Variants in NEK11 observed in about 807,000 individuals in gnomAD.
The protein encoded by NEK11 is NIMA related kinase 11, also known as serine/threonine-protein kinase Nek11.
A neutral mutation model predicts 80.7 loss-of-function variants in NEK11; 72 were observed. That is an observed-to-expected ratio of 0.89 (90% CI 0.74 to 1.08). The LOEUF is 1.08. NEK11 is among the 50% of genes least tolerant of loss of function. The pLI is 0.00. For missense variants in NEK11, 764 were observed against 763.6 expected, an observed-to-expected ratio of 1.00 and a Z score of -0.01; for synonymous variants, 251 against 260.7, an observed-to-expected ratio of 0.96 and a Z score of 0.36.
At chr3:131,286,734 G>A (rs1287884860) in intron 17 of NEK11, among the ~76,000 whole-genome samples, 1 of 152,176 alleles carries the variant, frequency 6.6e-6, no homozygotes, top group Non-Finnish European at 1.5e-5. Flanking sequence ...AGGATAAACT[G>A]CCATATCTGG....
intron 3 of NEK11, among the ~76,000 whole-genome samples, chr3:131,050,846 T>C (rs773615714): frequency 9.3e-4 from 139 of 149,212 alleles, no homozygotes; most frequent in African/African-American, 3.3e-3. Context: ...CTGGGCAACA[T>C]TGGGAGACTC....
intron 6 of NEK11, chr3:131,133,305 G>A (rs2084887200): frequency 2.2e-6 from 1 of 454,216 alleles, no homozygotes; most frequent in Non-Finnish European, 4.4e-6. Flanking sequence ...ATCATATAGG[G>A]TGTACTTGGG....
intron 7 of NEK11, among the ~76,000 whole-genome samples, chr3:131,145,077 C>T (rs979129579): frequency 3.3e-5 from 5 of 152,094 alleles, no homozygotes; most frequent in Admixed American, 6.6e-5. Flanking sequence ...AATCATAGCT[C>T]ACTGTAACCT....
chr3:131,258,510 C>G (rs1266435596), intron 16 of NEK11, among the ~76,000 whole-genome samples: 1 of 152,172 alleles, frequency 6.6e-6, no homozygotes, highest in Non-Finnish European at 1.5e-5. Flanking sequence ...GCTAGTGTCT[C>G]CACAGGGAAA....
At chr3:131,140,463 G>A (rs2086639154) in intron 7 of NEK11, among the ~76,000 whole-genome samples, 1 of 152,196 alleles carries the variant, frequency 6.6e-6, no homozygotes, top group Non-Finnish European at 1.5e-5. Flanking sequence ...GTGGGGAGCA[G>A]GTTCAAGGCT....
intron 5 of NEK11, among the ~76,000 whole-genome samples, chr3:131,121,499 GCT>G (rs778624094): frequency 3.0e-4 from 46 of 152,188 alleles, no homozygotes; most frequent in Non-Finnish European, 6.6e-4. Flanking sequence ...GAGAACCACT[GCT>G]CTCTTTAAAG....
intron 16 of NEK11, among the ~76,000 whole-genome samples, chr3:131,252,136 A>G (rs899133894): frequency 6.6e-6 from 1 of 152,104 alleles, no homozygotes; most frequent in African/African-American, 2.4e-5. Context: ...GGTTGTTAAT[A>G]TATGTCAGAA....
intron 17 of NEK11, among the ~76,000 whole-genome samples, chr3:131,310,320 G>A (rs377273388): frequency 6.6e-5 from 10 of 152,064 alleles, no homozygotes; most frequent in South Asian, 2.1e-4. Flanking sequence ...TGGGTTCTAG[G>A]GACAGTTTTC....
At chr3:131,180,122 G>T (rs2093267238) in intron 14 of NEK11, among the ~76,000 whole-genome samples, 1 of 152,154 alleles carries the variant, frequency 6.6e-6, no homozygotes, top group Non-Finnish European at 1.5e-5. Flanking sequence ...AGCAGAAGTA[G>T]ATTGGAAGTA....
At chr3:131,036,365 C>T (rs918014641) in intron 3 of NEK11, among the ~76,000 whole-genome samples, 2 of 152,326 alleles carry the variant, frequency 1.3e-5, no homozygotes, top group Non-Finnish European at 2.9e-5. Context: ...TTAGAAAGTA[C>T]AGATGCTTGA....
chr3:131,243,031 G>C (rs1034774583), intron 15 of NEK11, among the ~76,000 whole-genome samples: 4 of 152,092 alleles, frequency 2.6e-5, no homozygotes, highest in African/African-American at 4.8e-5. Flanking sequence ...GATTTCTGCT[G>C]TATTGACTAA....
chr3:131,228,394 G>A, intron 14 of NEK11, 134 bp from the exon 15 acceptor site: 3 of 618,932 alleles, frequency 4.8e-6, no homozygotes, highest in Non-Finnish European at 7.7e-6. Context: ...CCAGGAAGCT[G>A]AGATTCAGCT....
intron 7 of NEK11, among the ~76,000 whole-genome samples, chr3:131,142,255 A>G (rs1202145233): frequency 1.3e-5 from 2 of 152,208 alleles, no homozygotes; most frequent in Non-Finnish European, 1.5e-5. Context: ...CTGTGGGGGA[A>G]GGGAAAAAGA....
intron 3 of NEK11, among the ~76,000 whole-genome samples, chr3:131,059,028 A>G (rs1207299581): frequency 6.6e-6 from 1 of 152,230 alleles, no homozygotes; most frequent in African/African-American, 2.4e-5. Flanking sequence ...GGAGCCTTCA[A>G]AAGAAAGATT....
chr3:131,286,068 C>T (rs905481548), intron 17 of NEK11, among the ~76,000 whole-genome samples: 24 of 152,234 alleles, frequency 1.6e-4, no homozygotes, highest in Non-Finnish European at 1.0e-4. Context: ...ATCCCTTCTA[C>T]CCCTCTTTCT....
intron 17 of NEK11, among the ~76,000 whole-genome samples, chr3:131,282,354 G>T (rs2096409393): frequency 6.6e-6 from 1 of 151,850 alleles, no homozygotes; most frequent in Non-Finnish European, 1.5e-5. Context: ...CCTATATGTG[G>T]ACATTGTGTT....
chr3:131,169,111 A>C (rs1250839828), intron 13 of NEK11, among the ~76,000 whole-genome samples, 174 bp downstream of exon 13: 21 of 152,216 alleles, frequency 1.4e-4, no homozygotes, highest in Non-Finnish European at 2.8e-4. Flanking sequence ...ATAGGAAAGA[A>C]ATTAGATTAA....
intron 14 of NEK11, among the ~76,000 whole-genome samples, chr3:131,188,116 C>T (rs1173453757): frequency 6.6e-6 from 1 of 152,068 alleles, no homozygotes; most frequent in Non-Finnish European, 1.5e-5. Flanking sequence ...GAGTGTGTCT[C>T]TTGTGTGTAG....
chr3:131,127,261 A>G (rs1027753100), intron 5 of NEK11, among the ~76,000 whole-genome samples: 1 of 151,750 alleles, frequency 6.6e-6, no homozygotes, highest in African/African-American at 2.4e-5. Context: ...CACTGTGCCT[A>G]GCCTTTTCTA....
Sources: allele counts gnomAD v4.1 joint callset (sites outside exome capture counted in the v4.1 genomes callset), GRCh38; gene constraint gnomAD v4.1.1; transcripts MANE v1.5; gene names NCBI Gene and HGNC (gene_info 2026-07-23, HGNC 2026-07-21).